The following SIK3 variants were observed in gnomAD, a reference collection of about 807,000 sequenced individuals.
SIK3 encodes the protein SIK family kinase 3, also known as serine/threonine-protein kinase SIK3.
In SIK3, 28 loss-of-function variants were observed where a neutral mutation model predicts 144.2. That is an observed-to-expected ratio of 0.19 (90% CI 0.14 to 0.27). The LOEUF (loss-of-function observed/expected upper bound fraction) is 0.27. SIK3 is among the 10% of genes least tolerant of loss of function. The pLI is 1.00. For synonymous variants in SIK3, 686 were observed against 676.3 expected, an observed-to-expected ratio of 1.01 and a Z score of -0.22; for missense variants, 1,319 against 1,776.0, an observed-to-expected ratio of 0.74 and a Z score of 4.62.
chr11:116,873,832 T>G, intron 12 of SIK3, 71 bp downstream of exon 12: 1 of 1,539,868 alleles, frequency 6.5e-7, no homozygotes, highest in Non-Finnish European at 8.7e-7. Context: ...CTAGGGAAGG[T>G]GCCTCATAGC....
At chr11:117,097,189 G>A (rs1037376268) in intron 1 of SIK3, among the ~76,000 whole-genome samples, 11 of 152,088 alleles carry the variant, frequency 7.2e-5, no homozygotes, top group Non-Finnish European at 1.5e-4. Context: ...CTTCCTAATT[G>A]ACCTTGGCCA....
At chr11:116,965,753 A>AACATGGTGAAAACCCGTCTC (rs1212634105) in intron 1 of SIK3, among the ~76,000 whole-genome samples, 1 of 45,028 alleles carries the variant, frequency 2.2e-5, no homozygotes, top group Admixed American at 1.8e-4. Context: ...ATATATATAT[A>AACATGGTGAAAACCCGTCTC]TATATATATA....
intron 1 of SIK3, among the ~76,000 whole-genome samples, chr11:116,992,636 A>G (rs1283539824): frequency 6.6e-6 from 1 of 152,200 alleles, no homozygotes; most frequent in African/African-American, 2.4e-5. Flanking sequence ...TACCCAGCAG[A>G]AATGGTTGTC....
intron 3 of SIK3, among the ~76,000 whole-genome samples, chr11:116,938,034 G>A (rs754545225): frequency 4.0e-5 from 6 of 151,878 alleles, no homozygotes; most frequent in East Asian, 2.0e-4. Context: ...GTGAAACCCC[G>A]TCTCAACTAA....
intron 1 of SIK3, among the ~76,000 whole-genome samples, chr11:117,066,374 A>AAGAGC (rs1954017559): frequency 1.3e-5 from 2 of 151,378 alleles, no homozygotes; most frequent in East Asian, 3.9e-4. Context: ...GGCCTCTAAA[A>AAGAGC]ACTCTTGCTC....
At chr11:116,864,091 TATAA>T in intron 15 of SIK3, 1 of 291,570 alleles carries the variant, frequency 3.4e-6, no homozygotes, top group Non-Finnish European at 6.4e-6. Flanking sequence ...ATCCAGTTCT[TATAA>T]ATACACTAGG....
At position 116,965,758 on chromosome 11, in the gene SIK3, T is replaced by C. The variant is rs1401148663; in HGVS notation, c.274-8694A>G. Among the ~76,000 whole-genome samples the C allele has an allele frequency of 4.7e-4, 26 of 54,768 alleles. 1 individual carries two copies. Among genetic ancestry groups the C allele is most frequent in the South Asian group, 1.4e-3 (3 of 2,162 alleles). The allele number at this position is 54,768 out of a possible 152,430, so 35.9% of individuals were successfully genotyped here. On this transcript the variant is annotated intron_variant, in intron 1 of 24. Coordinates refer to ENST00000445177, the MANE Select transcript of SIK3 (RefSeq NM_001366686.3). ...AAATATATATATATATATATATATATATATATATATATATATATATATATA... is the reference window on the plus strand; with the variant it reads ...AAATATATATATATATATATATATACATATATATATATATATATATATATA...
chr11:117,048,101 T>C (rs897433845), intron 1 of SIK3, among the ~76,000 whole-genome samples: 2 of 152,218 alleles, frequency 1.3e-5, no homozygotes, highest in Non-Finnish European at 2.9e-5. Context: ...ACCTTAAATA[T>C]AGTTCACTCT....
chr11:116,897,092 T>A, intron 5 of SIK3, 101 bp downstream of exon 5: 1 of 1,140,288 alleles, frequency 8.8e-7, no homozygotes, highest in Non-Finnish European at 1.2e-6. Context: ...GACCAGGATC[T>A]CAATTCATGT....
At chr11:116,855,179 A>G (rs955333278) in intron 21 of SIK3, 1 of 150,540 alleles carries the variant, frequency 6.6e-6, no homozygotes, top group Non-Finnish European at 1.5e-5. Context: ...CTTAGCTTCT[A>G]CTAATGCCTT....
intron 17 of SIK3, 112 bp from the exon 18 acceptor site, chr11:116,862,038 T>G: frequency 7.9e-7 from 1 of 1,266,936 alleles, no homozygotes; most frequent in Non-Finnish European, 1.1e-6. Context: ...AGATTTATGC[T>G]TTTGTTGTTC....
chr11:117,037,360 C>T (rs1032235355), intron 1 of SIK3, among the ~76,000 whole-genome samples: 7 of 152,150 alleles, frequency 4.6e-5, no homozygotes, highest in African/African-American at 1.7e-4. Context: ...AATAAATTCA[C>T]AACAGCCCTT....
At chr11:117,034,266 C>T (rs1366587755) in intron 1 of SIK3, among the ~76,000 whole-genome samples, 1 of 152,094 alleles carries the variant, frequency 6.6e-6, no homozygotes, top group Non-Finnish European at 1.5e-5. Flanking sequence ...AACATACTGC[C>T]CCTTAAATAT....
intron 1 of SIK3, among the ~76,000 whole-genome samples, chr11:117,009,983 T>G (rs1951191687): frequency 6.6e-6 from 1 of 152,146 alleles, no homozygotes; most frequent in African/African-American, 2.4e-5. Flanking sequence ...ATCTAAAAAT[T>G]TAAAAATAAC....
rs757708379 is a variant in SIK3, at chr11:117,098,289, G to C, written c.127C>G (p.Pro43Ala). The change falls in exon 1 of 25, where the codon CCT becomes GCT. Residue 43 changes from proline (P) to alanine (A), a missense_variant. Physicochemically the swap from Pro to Ala is conservative, Grantham distance 27. Coordinates refer to ENST00000445177, the MANE Select transcript of SIK3 (RefSeq NM_001366686.3). ...GSPAAPAAVS[P>A]AAGQPRPPAP... ...GGGGGACGCGGCTGGCCGGCCGCAG[G>C]GGACACGGCAGCGGGGGCGGCTGGG... 2 of 1,250,876 alleles carry C rather than the reference G, an allele frequency of 1.6e-6. No homozygotes were observed. The highest frequency in any genetic ancestry group is 2.0e-6 in the Non-Finnish European group (2 of 989,958). The allele number at this position is 1,250,876 out of a possible 1,614,324, so 77.5% of individuals were successfully genotyped here.
At chr11:116,851,692 G>C (rs1164865771) in intron 21 of SIK3, among the ~76,000 whole-genome samples, 2 of 152,214 alleles carry the variant, frequency 1.3e-5, no homozygotes, top group Non-Finnish European at 2.9e-5. Flanking sequence ...AAAGCCAGCA[G>C]AGAGAAGATA....
chr11:117,068,615 C>CGCAT (rs1284562407), intron 1 of SIK3, among the ~76,000 whole-genome samples: 1 of 152,058 alleles, frequency 6.6e-6, no homozygotes, highest in Non-Finnish European at 1.5e-5. Flanking sequence ...GGACAGGTGG[C>CGCAT]GCATGCCTGT....
intron 6 of SIK3, among the ~76,000 whole-genome samples, chr11:116,891,664 GA>G (rs1945120163): frequency 8.9e-6 from 1 of 112,580 alleles, no homozygotes; most frequent in South Asian, 4.4e-4. Context: ...GTTTAAGTAA[GA>G]GAGAGAGAAA....
chr11:116,860,077 T>C (rs1427302715), intron 19 of SIK3, among the ~76,000 whole-genome samples: 1 of 152,104 alleles, frequency 6.6e-6, no homozygotes, highest in East Asian at 1.9e-4. Context: ...AAACCCTGTC[T>C]CTACTAAAAA....
Sources: gnomAD v4.1 joint callset for allele counts (sites outside exome capture counted in the v4.1 genomes callset) on GRCh38, gnomAD v4.1.1 for gene constraint, MANE v1.5 for transcripts, NCBI Gene and HGNC (gene_info 2026-07-23, HGNC 2026-07-21) for gene names.